SUMF1: variants seen among roughly 807,000 people sequenced by gnomAD.
The protein encoded by SUMF1 is formylglycine-generating enzyme.
In SUMF1, 48 loss-of-function variants were observed where a neutral mutation model predicts 47.6. That is an observed-to-expected ratio of 1.01 (90% CI 0.80 to 1.28). The LOEUF (loss-of-function observed/expected upper bound fraction) is 1.28. SUMF1 is among the 50% of genes most tolerant of loss of function. The pLI is 0.00. For missense variants in SUMF1, 571 were observed against 485.4 expected (o/e 1.18, Z -1.66); for synonymous variants, 230 against 192.1 (o/e 1.20, Z -1.63).
chr3:4,440,178 T>C (rs1052262954), intron 3 of SUMF1, among the ~76,000 whole-genome samples: 1 of 144,456 alleles, frequency 6.9e-6, no homozygotes, highest in Non-Finnish European at 1.5e-5. Context: ...AGAGGTTGGT[T>C]GCAGTGAGCT....
intron 8 of SUMF1, among the ~76,000 whole-genome samples, chr3:4,230,033 G>T (rs1281507649): frequency 1.3e-5 from 2 of 151,418 alleles, no homozygotes; most frequent in Admixed American, 1.3e-4. Flanking sequence ...GAAAAGAAAA[G>T]AAAAAGAAAC....
At position 4,061,724 on chromosome 3, in the gene SUMF1, C is replaced by T. The variant is rs1035012164; in HGVS notation, c.1191+6845G>A. ...AACAGTTGGACTGGGTACAGCTTGG[C>T]ATTTGTCTTATTAGAACATGGGTTG... is the stretch of plus-strand genomic sequence containing the variant. On this transcript the variant is annotated intron_variant and NMD_transcript_variant, in intron 9 of 12. Transcript: ENST00000448413. 3.0e-4 allele frequency among the ~76,000 whole-genome samples: 45 copies of T among 152,040 alleles called. 1 individual carries two copies. Among genetic ancestry groups the T allele is most frequent in the Admixed American group, 3.0e-3 (45 of 15,250 alleles).
At chr3:4,207,326 T>A (rs1304142) in intron 8 of SUMF1, among the ~76,000 whole-genome samples, 100,578 of 151,944 alleles carry the variant, frequency 0.66, 33,408 homozygotes, top group South Asian at 0.72. Flanking sequence ...TAATTTCTTA[T>A]TCTTACCTCA....
intron 7 of SUMF1, among the ~76,000 whole-genome samples, chr3:4,380,280 G>T (rs1195134398): frequency 1.3e-5 from 2 of 152,182 alleles, no homozygotes; most frequent in Non-Finnish European, 2.9e-5. Context: ...AACATGAATG[G>T]TGCTGCAGGC....
chr3:4,443,935 T>TA (rs1044201770), intron 3 of SUMF1, among the ~76,000 whole-genome samples: 1 of 151,274 alleles, frequency 6.6e-6, no homozygotes, highest in African/African-American at 2.4e-5. Context: ...TCCTGAAGTT[T>TA]AAAAAAAAAT....
chr3:4,246,140 C>T (rs145955868), intron 8 of SUMF1, among the ~76,000 whole-genome samples: 7 of 152,252 alleles, frequency 4.6e-5, no homozygotes, highest in African/African-American at 1.4e-4. Flanking sequence ...GGCAGAAGTG[C>T]ACCGTTCCCC....
At position 4,382,733 on chromosome 3, in the gene SUMF1, C is replaced by A. The variant is rs181624199; in HGVS notation, c.955-6344G>T. ...GGCACATATACACCATGGGATACTA[C>A]GTAGCCATAAAAAAGGATGAGCTCA... On this transcript the variant is annotated intron_variant, in intron 7 of 8. Coordinates refer to ENST00000272902, the MANE Select transcript of SUMF1 (RefSeq NM_182760.4). Among the ~76,000 whole-genome samples, 429 of 152,242 alleles carry A rather than the reference C, an allele frequency of 2.8e-3. 4 individuals are homozygous for A. The highest frequency in any genetic ancestry group is 0.021 in the Admixed American group (326 of 15,294).
At chr3:4,431,510 C>G (rs946208715) in intron 3 of SUMF1, among the ~76,000 whole-genome samples, 1 of 152,238 alleles carries the variant, frequency 6.6e-6, no homozygotes, top group South Asian at 2.1e-4. Flanking sequence ...CCCCCATGTC[C>G]CCTCTCCACT....
At chr3:4,171,419 T>G (rs13072494) in intron 8 of SUMF1, among the ~76,000 whole-genome samples, 4 of 152,204 alleles carry the variant, frequency 2.6e-5, no homozygotes, top group Non-Finnish European at 5.9e-5. Context: ...GACTTGAGTT[T>G]CATAGATGTG....
intron 8 of SUMF1, among the ~76,000 whole-genome samples, chr3:4,126,032 A>C (rs1323005108): frequency 6.6e-6 from 1 of 151,950 alleles, no homozygotes; most frequent in Non-Finnish European, 1.5e-5. Context: ...AAGCATGCAC[A>C]AACTATCCCT....
In SUMF1 at chr3:4,465,858, T is replaced by C. The variant is rs552971851; in HGVS notation, c.270+1118A>G. Reference sequence around the variant, plus strand: ...ACTACTGAGGCAGGATACGGAAATATTGAAGGGGAGAGAAAGAGGAGATCA... The same window carrying C: ...ACTACTGAGGCAGGATACGGAAATACTGAAGGGGAGAGAAAGAGGAGATCA... On this transcript the variant is annotated intron_variant, in intron 1 of 8. Transcript: ENST00000272902. Among the ~76,000 whole-genome samples the C allele has an allele frequency of 9.9e-5, 15 of 152,238 alleles. No individual in the cohort carries two copies. In the East Asian group the frequency reaches 2.5e-3, roughly 25 times the overall value.
chr3:4,196,390 G>T (rs532517945), intron 8 of SUMF1, among the ~76,000 whole-genome samples: 12 of 152,086 alleles, frequency 7.9e-5, no homozygotes, highest in Non-Finnish European at 1.2e-4. Flanking sequence ...AGGCTTCATG[G>T]GGGGAAGCTT....
rs532846912 is a variant in SUMF1 at position 4,092,355 on chromosome 3, T to G, written c.1015-23610A>C. Among the ~76,000 whole-genome samples, 7 of 152,254 alleles carry G rather than the reference T, an allele frequency of 4.6e-5. No individual in the cohort carries two copies. In the South Asian group the frequency reaches 1.2e-3, roughly 27 times the overall value. The stretch of plus-strand genomic sequence containing the variant: ...AGTGGGAGATTTGGAGCAAGGCAAG[T>G]AGCAGCACAAGCATCCCCCAGTTTC... On this transcript the variant is annotated intron_variant and NMD_transcript_variant, in intron 8 of 12. Coordinates refer to the SUMF1 transcript ENST00000448413.
intron 8 of SUMF1, among the ~76,000 whole-genome samples, chr3:4,163,204 C>T (rs760758873): frequency 1.9e-4 from 29 of 151,780 alleles, no homozygotes; most frequent in Non-Finnish European, 3.7e-4. Flanking sequence ...GTTTCCGGGT[C>T]ACTGCACTTT....
At chr3:4,152,537 C>G (rs899604811) in intron 8 of SUMF1, among the ~76,000 whole-genome samples, 1 of 151,204 alleles carries the variant, frequency 6.6e-6, no homozygotes, top group Non-Finnish European at 1.5e-5. Flanking sequence ...AAGTGATCCT[C>G]CCTCCTCAGC....
At chr3:4,166,537 T>C (rs2125119304) in intron 8 of SUMF1, among the ~76,000 whole-genome samples, 1 of 152,182 alleles carries the variant, frequency 6.6e-6, no homozygotes, top group South Asian at 2.1e-4. Context: ...AGTCCCAAAA[T>C]TTATACTAGA....
At chr3:4,127,953 C>A (rs748700848) in intron 8 of SUMF1, among the ~76,000 whole-genome samples, 1 of 151,984 alleles carries the variant, frequency 6.6e-6, no homozygotes, top group Non-Finnish European at 1.5e-5. Flanking sequence ...CCTGATTCAT[C>A]GCTCATGAAA....
chr3:4,318,908 A>G (rs1048891073), intron 8 of SUMF1, among the ~76,000 whole-genome samples: 1 of 152,208 alleles, frequency 6.6e-6, no homozygotes, highest in African/African-American at 2.4e-5. Flanking sequence ...TGCCTCTCAA[A>G]AAAACACAAA....
chr3:4,299,278 A>G (rs895052569), intron 8 of SUMF1, among the ~76,000 whole-genome samples: 1 of 152,206 alleles, frequency 6.6e-6, no homozygotes, highest in Non-Finnish European at 1.5e-5. Flanking sequence ...GCTCCCAGGC[A>G]GCTCTGTGAC....
Sources: gnomAD v4.1 joint callset for allele counts (sites outside exome capture counted in the v4.1 genomes callset) on GRCh38, gnomAD v4.1.1 for gene constraint, MANE v1.5 for transcripts, NCBI Gene and HGNC (gene_info 2026-07-23, HGNC 2026-07-21) for gene names.